PPP2R3A: variants seen among roughly 807,000 people sequenced by gnomAD.
PPP2R3A encodes the protein serine/threonine-protein phosphatase 2A regulatory subunit B'' subunit alpha.
PPP2R3A carries 80 observed loss-of-function variants against 106.9 expected under a neutral mutation model. The observed-to-expected ratio is 0.75, with a 90% CI of 0.62 to 0.90. The LOEUF (loss-of-function observed/expected upper bound fraction) is 0.90, where lower values mean the gene tolerates loss of function less well. PPP2R3A is among the 40% of genes least tolerant of loss of function. The pLI is 0.00. For synonymous variants in PPP2R3A, 483 were observed against 468.3 expected, an observed-to-expected ratio of 1.03 and a Z score of -0.41; for missense variants, 1,386 against 1,350.4, an observed-to-expected ratio of 1.03 and a Z score of -0.41.
chr3:136,083,104 T>A (rs528763068), intron 8 of PPP2R3A, among the ~76,000 whole-genome samples: 37 of 152,264 alleles, frequency 2.4e-4, no homozygotes, highest in Non-Finnish European at 4.1e-4. Flanking sequence ...AACCTCAACC[T>A]CCTGGGCTCA....
In PPP2R3A at chr3:136,078,363, C is replaced by A; in HGVS notation, c.2545-4C>A. Reference sequence around the variant, plus strand: ...ATTTGGTTTTATTTTCCTTTTGGAACCAGGTTATTCAGAGAATATTCTACA... The same window carrying A: ...ATTTGGTTTTATTTTCCTTTTGGAAACAGGTTATTCAGAGAATATTCTACA... On this transcript the variant is annotated splice_polypyrimidine_tract_variant and splice_region_variant and intron_variant, in intron 6 of 13. Transcript: ENST00000264977. The A allele has an allele frequency of 6.3e-7, 1 of 1,578,970 alleles. No individual in the cohort carries two copies. The highest frequency in any genetic ancestry group is 8.7e-7 in the Non-Finnish European group (1 of 1,154,022).
At chr3:136,049,104 C>T (rs1935580899) in intron 4 of PPP2R3A, among the ~76,000 whole-genome samples, 155 bp from the exon 5 acceptor site, 1 of 152,200 alleles carries the variant, frequency 6.6e-6, no homozygotes, top group African/African-American at 2.4e-5. Context: ...TTATAGACAG[C>T]TCATCATTCT....
intron 8 of PPP2R3A, among the ~76,000 whole-genome samples, chr3:136,084,412 G>A (rs1936869334): frequency 6.6e-6 from 1 of 152,244 alleles, no homozygotes; most frequent in Non-Finnish European, 1.5e-5. Context: ...GATTTCAGAG[G>A]ATGTATAAAA....
At chr3:136,144,660 C>CA (rs111855021) in intron 13 of PPP2R3A, among the ~76,000 whole-genome samples, 335 of 133,102 alleles carry the variant, frequency 2.5e-3, no homozygotes, top group African/African-American at 5.9e-3. Context: ...GGCTCCGTCT[C>CA]AAAAAAAAAA....
chr3:135,982,608 A>G (rs577704665), intron 1 of PPP2R3A, among the ~76,000 whole-genome samples: 9 of 152,222 alleles, frequency 5.9e-5, no homozygotes, highest in Admixed American at 2.6e-4. Flanking sequence ...AGATGAGTCT[A>G]TTTATTCTCA....
Position 136,138,695 on chromosome 3 carries a change from A to AT in PPP2R3A, c.3330-6313dup, listed in dbSNP as rs747811648. ...AGACTCCAAACTAGAGAAATATTGA[A>AT]TTTTTTTTTTTTTTTTTTTTTTTTT... On this transcript the variant is annotated intron_variant, in intron 13 of 13. Coordinates refer to ENST00000264977, the MANE Select transcript of PPP2R3A (RefSeq NM_002718.5). 8.1e-3 allele frequency among the ~76,000 whole-genome samples: 412 copies of AT among 50,616 alleles called. 75 individuals are homozygous for AT. The highest frequency in any genetic ancestry group is 0.04 in the East Asian group (37 of 922). 33.2% of individuals were successfully genotyped at this position (50,616 alleles called of 152,430 possible). A position where few individuals can be genotyped will look rare whatever the true frequency, so the allele number is the denominator to read the frequency against.
At chr3:136,096,979 A>AC (rs879281682) in intron 10 of PPP2R3A, among the ~76,000 whole-genome samples, 2 of 152,138 alleles carry the variant, frequency 1.3e-5, no homozygotes, top group African/African-American at 4.8e-5. Context: ...ACACACACAC[A>AC]AAAAATGTAA....
At chr3:136,023,287 A>C in intron 2 of PPP2R3A, 1 of 1,157,450 alleles carries the variant, frequency 8.6e-7, no homozygotes, top group Non-Finnish European at 1.2e-6. Flanking sequence ...CAGTGAACTA[A>C]CTCACAAGTA....
At chr3:136,005,014 A>G (rs1333253651) in intron 2 of PPP2R3A, among the ~76,000 whole-genome samples, 1 of 152,140 alleles carries the variant, frequency 6.6e-6, no homozygotes, top group Non-Finnish European at 1.5e-5. Context: ...CATCAGATGA[A>G]TCTTTCTTTC....
chr3:136,027,405 T>A (rs942520800), intron 3 of PPP2R3A, among the ~76,000 whole-genome samples: 3 of 152,140 alleles, frequency 2.0e-5, no homozygotes, highest in African/African-American at 7.2e-5. Context: ...TAGAAAATTT[T>A]TCCTTGTGCT....
intron 2 of PPP2R3A, among the ~76,000 whole-genome samples, chr3:136,005,471 G>T (rs1174911171): frequency 6.6e-6 from 1 of 152,122 alleles, no homozygotes; most frequent in Non-Finnish European, 1.5e-5. Flanking sequence ...GATTATTTGG[G>T]TCTAAATATC....
intron 4 of PPP2R3A, among the ~76,000 whole-genome samples, chr3:136,043,859 C>T (rs1036436593): frequency 3.9e-5 from 6 of 152,174 alleles, no homozygotes; most frequent in Admixed American, 2.6e-4. Flanking sequence ...CATTCTTTAG[C>T]TTTCATGACT....
Position 136,048,715 on chromosome 3 carries a change from G to A in PPP2R3A, c.2367-544G>A, listed in dbSNP as rs144681011. ...TGGGACTTTAGCCTACTTGACAGAA[G>A]AATTTTAATTTGGACAATGACGTGA... On this transcript the variant is annotated intron_variant, in intron 4 of 13. Coordinates refer to ENST00000264977, the MANE Select transcript of PPP2R3A (RefSeq NM_002718.5). 1.1e-3 allele frequency among the ~76,000 whole-genome samples: 166 copies of A among 150,734 alleles called. No homozygotes were observed. The East Asian group carries it at 0.028, about 25-fold the overall frequency.
At chr3:136,043,372 T>C (rs1445802060) in intron 4 of PPP2R3A, among the ~76,000 whole-genome samples, 2 of 152,054 alleles carry the variant, frequency 1.3e-5, no homozygotes, top group African/African-American at 2.4e-5. Context: ...GGCAGGAGAA[T>C]CGCGGGAACC....
At chr3:135,989,691 C>G (rs992040841) in intron 1 of PPP2R3A, among the ~76,000 whole-genome samples, 1 of 152,072 alleles carries the variant, frequency 6.6e-6, no homozygotes, top group African/African-American at 2.4e-5. Context: ...TTGCTTGCTT[C>G]CTTTCTGTAC....
intron 3 of PPP2R3A, among the ~76,000 whole-genome samples, chr3:136,028,262 G>C (rs1279678786): frequency 6.6e-6 from 1 of 152,130 alleles, no homozygotes; most frequent in African/African-American, 2.4e-5. Flanking sequence ...CCCTACCTCT[G>C]ACCTCACAGA....
intron 2 of PPP2R3A, among the ~76,000 whole-genome samples, chr3:136,005,936 C>T (rs1278221352): frequency 6.6e-6 from 1 of 152,160 alleles, no homozygotes; most frequent in Non-Finnish European, 1.5e-5. Flanking sequence ...TTACTCAACC[C>T]TCTTCCCCCA....
At chr3:135,993,429 T>C (rs370651225) in intron 1 of PPP2R3A, among the ~76,000 whole-genome samples, 1 of 152,186 alleles carries the variant, frequency 6.6e-6, no homozygotes, top group African/African-American at 2.4e-5. Context: ...CTACTAGAGC[T>C]CTCAAGTGCT....
chr3:135,966,201 G>A (rs984743156), intron 1 of PPP2R3A, among the ~76,000 whole-genome samples: 39 of 152,184 alleles, frequency 2.6e-4, no homozygotes, highest in Non-Finnish European at 3.8e-4. Flanking sequence ...CAGTTCGCCC[G>A]CACAGCCCTC....
Sources: allele counts gnomAD v4.1 joint callset (sites outside exome capture counted in the v4.1 genomes callset), GRCh38; gene constraint gnomAD v4.1.1; transcripts MANE v1.5; gene names NCBI Gene and HGNC (gene_info 2026-07-23, HGNC 2026-07-21).